SLC24A3: variants seen among roughly 807,000 people sequenced by gnomAD.
SLC24A3 encodes the protein sodium/potassium/calcium exchanger 3.
A neutral mutation model predicts 75.8 loss-of-function variants in SLC24A3; 28 were observed. That is an observed-to-expected ratio of 0.37 (90% confidence interval 0.27 to 0.51). The LOEUF (loss-of-function observed/expected upper bound fraction) is 0.51. SLC24A3 is among the 20% of genes least tolerant of loss of function. The probability of loss-of-function intolerance (pLI) is 0.94; values close to 1 mark genes in which losing one functional copy is unlikely to be tolerated. For missense variants in SLC24A3, 663 were observed against 847.8 expected, an observed-to-expected ratio of 0.78 and a Z score of 2.71; for synonymous variants, 372 against 334.1, an observed-to-expected ratio of 1.11 and a Z score of -1.24.
chr20:19,501,483 C>G (rs572692399), intron 2 of SLC24A3, among the ~76,000 whole-genome samples: 1 of 152,128 alleles, frequency 6.6e-6, no homozygotes, highest in African/African-American at 2.4e-5. Context: ...TTCAATTTGG[C>G]GACTTCACAT....
At chr20:19,683,118 T>C (rs759961067) in intron 10 of SLC24A3, among the ~76,000 whole-genome samples, 5 of 152,222 alleles carry the variant, frequency 3.3e-5, no homozygotes, top group Non-Finnish European at 7.3e-5. Context: ...ACTGCATCAT[T>C]AGATTTTCAA....
At chr20:19,679,175 A>C (rs35695066) in intron 9 of SLC24A3, among the ~76,000 whole-genome samples, 1 of 151,034 alleles carries the variant, frequency 6.6e-6, no homozygotes, top group Non-Finnish European at 1.5e-5. Context: ...AGGTTGTAGC[A>C]AGCCGAGATC....
intron 15 of SLC24A3, among the ~76,000 whole-genome samples, chr20:19,708,908 T>C (rs13043563): frequency 0.46 from 70,329 of 152,058 alleles, 17,603 homozygotes; most frequent in South Asian, 0.64. Context: ...TGGAAGGGCT[T>C]ACCTGGAAAG....
At chr20:19,248,867 T>G (rs1056077991) in intron 1 of SLC24A3, among the ~76,000 whole-genome samples, 2 of 150,824 alleles carry the variant, frequency 1.3e-5, no homozygotes, top group Admixed American at 6.6e-5. Context: ...GAGGATATTG[T>G]GCTAAGTGAA....
At chr20:19,294,857 G>A (rs1330274372) in intron 2 of SLC24A3, among the ~76,000 whole-genome samples, 8 of 152,120 alleles carry the variant, frequency 5.3e-5, no homozygotes, top group East Asian at 1.9e-4. Flanking sequence ...TTGAGGAATC[G>A]CCACACTGTC....
At chr20:19,473,803 G>C (rs797012578) in intron 2 of SLC24A3, among the ~76,000 whole-genome samples, 6 of 152,306 alleles carry the variant, frequency 3.9e-5, no homozygotes, top group Non-Finnish European at 5.9e-5. Context: ...AGGTGAGATC[G>C]GGCTGGCCCA....
At chr20:19,348,400 G>T (rs1012532453) in intron 2 of SLC24A3, among the ~76,000 whole-genome samples, 22 of 152,168 alleles carry the variant, frequency 1.4e-4, no homozygotes, top group Non-Finnish European at 1.0e-4. Context: ...TTGTTAACAG[G>T]CAGTGAACTG....
intron 12 of SLC24A3, among the ~76,000 whole-genome samples, chr20:19,689,903 C>T (rs1969714): frequency 0.019 from 2,825 of 151,916 alleles, 93 homozygotes; most frequent in African/African-American, 0.064. Flanking sequence ...TGGTGGCACA[C>T]GCCTGTAATC....
At chr20:19,441,936 A>G (rs993120497) in intron 2 of SLC24A3, among the ~76,000 whole-genome samples, 2 of 152,162 alleles carry the variant, frequency 1.3e-5, no homozygotes, top group African/African-American at 4.8e-5. Flanking sequence ...CCAGAATGTC[A>G]CATAGTTGAC....
chr20:19,701,575 C>T (rs988513219), intron 15 of SLC24A3, among the ~76,000 whole-genome samples: 2 of 152,132 alleles, frequency 1.3e-5, no homozygotes, highest in African/African-American at 4.8e-5. Flanking sequence ...GGCTTTCTGT[C>T]TCTACTCAGT....
At chr20:19,513,736 T>TAAAAA (rs74180954) in intron 2 of SLC24A3, among the ~76,000 whole-genome samples, 1,249 of 123,190 alleles carry the variant, frequency 0.01, 10 homozygotes, top group Middle Eastern at 0.029. Flanking sequence ...GCTTTTTTTT[T>TAAAAA]AGAAAAAAAA....
intron 3 of SLC24A3, among the ~76,000 whole-genome samples, chr20:19,574,464 G>A (rs780164611): frequency 6.6e-6 from 1 of 152,276 alleles, no homozygotes; most frequent in East Asian, 1.9e-4. Context: ...GGTTTTTCTG[G>A]TTCAGCTGAA....
intron 3 of SLC24A3, among the ~76,000 whole-genome samples, chr20:19,531,875 A>G (rs2030306977): frequency 6.6e-6 from 1 of 152,342 alleles, no homozygotes; most frequent in African/African-American, 2.4e-5. Context: ...CATTTTGCAG[A>G]TGGATAATTA....
At chr20:19,646,767 G>T (rs774274147) in intron 6 of SLC24A3, among the ~76,000 whole-genome samples, 1 of 152,034 alleles carries the variant, frequency 6.6e-6, no homozygotes, top group Non-Finnish European at 1.5e-5. Flanking sequence ...GATTTAAAAT[G>T]GCATGAATTA....
In SLC24A3 at chr20:19,212,698, G is replaced by T; in HGVS notation, c.-145G>T. The T allele has an allele frequency of 2.0e-6, 1 of 505,116 alleles. No homozygotes were observed. The allele number at this position is 505,116 out of a possible 1,614,324, so 31.3% of individuals were successfully genotyped here. On this transcript the variant is annotated 5_prime_UTR_variant, in exon 1 of 17. It adds an upstream start codon to the 5' untranslated region. Coordinates refer to ENST00000328041, the MANE Select transcript of SLC24A3 (RefSeq NM_020689.4). ...CGGGCAGCGGCGAGGAGGAGGAAGA[G>T]GAGGCGGAGGCGGCGGCCGGGTGGG...
chr20:19,547,557 A>G (rs6081642), intron 3 of SLC24A3, among the ~76,000 whole-genome samples: 12,470 of 152,336 alleles, frequency 0.082, 597 homozygotes, highest in Middle Eastern at 0.12. Flanking sequence ...AAAGCTGTTC[A>G]GAAAATGAAA....
At chr20:19,674,322 G>A (rs1006795536) in intron 9 of SLC24A3, among the ~76,000 whole-genome samples, 5 of 152,242 alleles carry the variant, frequency 3.3e-5, no homozygotes, top group Non-Finnish European at 7.3e-5. Flanking sequence ...CATTGTCTGA[G>A]AGTTAGGAAC....
intron 2 of SLC24A3, among the ~76,000 whole-genome samples, chr20:19,447,886 G>A (rs572671167): frequency 6.6e-6 from 1 of 152,324 alleles, no homozygotes; most frequent in East Asian, 1.9e-4. Flanking sequence ...TCACAGAGTG[G>A]GTACTTCGTG....
At chr20:19,401,691 G>C (rs1986554687) in intron 2 of SLC24A3, among the ~76,000 whole-genome samples, 1 of 152,170 alleles carries the variant, frequency 6.6e-6, no homozygotes, top group African/African-American at 2.4e-5. Flanking sequence ...TTGTCCAAGG[G>C]CTTTCTTTGA....
Sources: allele counts gnomAD v4.1 joint callset (sites outside exome capture counted in the v4.1 genomes callset), GRCh38; gene constraint gnomAD v4.1.1; transcripts MANE v1.5; gene names NCBI Gene and HGNC (gene_info 2026-07-23, HGNC 2026-07-21).